FAM13A: variants seen among roughly 807,000 people sequenced by gnomAD.
FAM13A encodes the protein protein FAM13A.
FAM13A carries 76 observed loss-of-function variants against 129.6 expected under a neutral mutation model. The observed-to-expected ratio is 0.59, with a 90% CI of 0.49 to 0.71. FAM13A has a LOEUF of 0.71. Ranked by LOEUF, FAM13A falls within the 30% of genes least tolerant of loss-of-function variation. The pLI, the probability that FAM13A is intolerant of heterozygous loss-of-function variation, is 0.00. For synonymous variants in FAM13A, 443 were observed against 449.9 expected, an observed-to-expected ratio of 0.98 and a Z score of 0.20; for missense variants, 1,108 against 1,249.3, an observed-to-expected ratio of 0.89 and a Z score of 1.70.
At chr4:88,881,710 C>T (rs958573991) in intron 6 of FAM13A, among the ~76,000 whole-genome samples, 1 of 151,750 alleles carries the variant, frequency 6.6e-6, no homozygotes, top group Non-Finnish European at 1.5e-5. Context: ...TGAAGTCTAA[C>T]TTAATGAAAC....
chr4:88,850,949 T>C, intron 7 of FAM13A, 71 bp downstream of exon 7: 1 of 1,371,094 alleles, frequency 7.3e-7, no homozygotes, highest in Non-Finnish European at 1.0e-6. Flanking sequence ...CAGAAATACC[T>C]ACATATGCGG....
intron 7 of FAM13A, among the ~76,000 whole-genome samples, chr4:88,824,110 G>C (rs1272863386): frequency 6.6e-6 from 1 of 151,928 alleles, no homozygotes; most frequent in African/African-American, 2.4e-5. Flanking sequence ...TAGAATACCA[G>C]GGTGTTATTT....
chr4:88,800,173 T>G (rs922578368), intron 8 of FAM13A, among the ~76,000 whole-genome samples: 3 of 152,068 alleles, frequency 2.0e-5, no homozygotes, highest in Non-Finnish European at 2.9e-5. Flanking sequence ...AAATTAGTGT[T>G]TAGTGAGTAC....
At chr4:88,744,544 A>G (rs1048822347) in intron 19 of FAM13A, among the ~76,000 whole-genome samples, 2 of 152,200 alleles carry the variant, frequency 1.3e-5, no homozygotes, top group African/African-American at 4.8e-5. Context: ...CTTTTAAATC[A>G]GTATCTGTAG....
chr4:89,042,762 T>TTC (rs1553930289), intron 1 of FAM13A, among the ~76,000 whole-genome samples: 6 of 152,098 alleles, frequency 3.9e-5, no homozygotes, highest in South Asian at 2.1e-4. Context: ...TATGTTTTTT[T>TTC]CTATTTAGCC....
At chr4:88,888,653 C>T (rs1307546679) in intron 6 of FAM13A, among the ~76,000 whole-genome samples, 5 of 152,036 alleles carry the variant, frequency 3.3e-5, no homozygotes, top group Admixed American at 6.6e-5. Context: ...AGGCCAGGCA[C>T]GGTGGCTCAC....
At chr4:88,872,931 C>T (rs1217187767) in intron 6 of FAM13A, among the ~76,000 whole-genome samples, 1 of 152,160 alleles carries the variant, frequency 6.6e-6, no homozygotes, top group Non-Finnish European at 1.5e-5. Context: ...GAAATTATAA[C>T]AAACTGTCTC....
chr4:88,999,076 T>C (rs1763916583), intron 3 of FAM13A, among the ~76,000 whole-genome samples: 1 of 152,162 alleles, frequency 6.6e-6, no homozygotes, highest in South Asian at 2.1e-4. Context: ...ATTGCCAAAT[T>C]AGTCAATATT....
At chr4:88,785,283 G>C (rs1354219581) in intron 10 of FAM13A, among the ~76,000 whole-genome samples, 3 of 152,038 alleles carry the variant, frequency 2.0e-5, no homozygotes, top group Non-Finnish European at 4.4e-5. Flanking sequence ...GAATATTACA[G>C]CCTAGCTTAA....
intron 6 of FAM13A, among the ~76,000 whole-genome samples, chr4:88,864,245 C>T (rs574470263): frequency 3.8e-4 from 58 of 152,266 alleles, no homozygotes; most frequent in African/African-American, 1.4e-3. Context: ...AGAAGGATGC[C>T]AGGAAAGATT....
At chr4:89,022,613 C>T (rs1164662792) in intron 2 of FAM13A, among the ~76,000 whole-genome samples, 2 of 152,186 alleles carry the variant, frequency 1.3e-5, no homozygotes, top group East Asian at 3.8e-4. Context: ...GTACCACACC[C>T]ATTATAATCC....
At chr4:88,840,810 A>G (rs1735683928) in intron 7 of FAM13A, among the ~76,000 whole-genome samples, 1 of 152,222 alleles carries the variant, frequency 6.6e-6, no homozygotes, top group Admixed American at 6.5e-5. Flanking sequence ...GAGAAGAGTG[A>G]GAATCCTAAA....
intron 7 of FAM13A, among the ~76,000 whole-genome samples, chr4:88,807,733 A>C (rs1000172825): frequency 6.6e-6 from 1 of 152,212 alleles, no homozygotes; most frequent in East Asian, 1.9e-4. Context: ...TCCATAATGC[A>C]TTATGCCTGA....
At chr4:88,811,726 G>A (rs1426266224) in intron 7 of FAM13A, among the ~76,000 whole-genome samples, 1 of 152,126 alleles carries the variant, frequency 6.6e-6, no homozygotes, top group Non-Finnish European at 1.5e-5. Context: ...GGGAATCCTC[G>A]CTGAGACATG....
intron 5 of FAM13A, among the ~76,000 whole-genome samples, chr4:88,908,614 A>AT: frequency 6.6e-6 from 1 of 152,302 alleles, no homozygotes; most frequent in South Asian, 2.1e-4. Context: ...CTCTGAAAGC[A>AT]TTTTTTCTAA....
intron 7 of FAM13A, among the ~76,000 whole-genome samples, chr4:88,824,641 A>G (rs1020670955): frequency 2.6e-5 from 4 of 152,172 alleles, no homozygotes; most frequent in Non-Finnish European, 4.4e-5. Flanking sequence ...AACATAACTT[A>G]GTTCCATATA....
chr4:88,789,274 T>A (rs1724617150), intron 9 of FAM13A, among the ~76,000 whole-genome samples: 1 of 152,212 alleles, frequency 6.6e-6, no homozygotes. Flanking sequence ...AGTTCTTGAA[T>A]ATCTTTGAAA....
At chr4:88,756,706 TA>T (rs985724996) in intron 14 of FAM13A, among the ~76,000 whole-genome samples, 20 of 152,126 alleles carry the variant, frequency 1.3e-4, no homozygotes, top group Non-Finnish European at 2.2e-4. Context: ...ATTTTAGCTA[TA>T]AAAAAAGGTG....
At chr4:88,770,973 C>A in intron 11 of FAM13A, among the ~76,000 whole-genome samples, 1 of 152,098 alleles carries the variant, frequency 6.6e-6, no homozygotes, top group Non-Finnish European at 1.5e-5. Flanking sequence ...TTCTCTAAGG[C>A]TTTTTTGTAA....
Sources: gnomAD v4.1 joint callset for allele counts (sites outside exome capture counted in the v4.1 genomes callset) on GRCh38, gnomAD v4.1.1 for gene constraint, MANE v1.5 for transcripts, NCBI Gene and HGNC (gene_info 2026-07-23, HGNC 2026-07-21) for gene names.